ADAMTS15: variants seen among roughly 807,000 people sequenced by gnomAD.
ADAMTS15 encodes A disintegrin and metalloproteinase with thrombospondin motifs 15.
ADAMTS15 carries 35 observed loss-of-function variants against 79.1 expected under a neutral mutation model. That is an observed-to-expected ratio of 0.44 (90% CI 0.34 to 0.59). The LOEUF is 0.59. Ranked by LOEUF, ADAMTS15 falls within the 20% of genes least tolerant of loss-of-function variation. The probability of loss-of-function intolerance (pLI) is 0.02; values close to 1 mark genes in which losing one functional copy is unlikely to be tolerated. For missense variants in ADAMTS15, 1,324 were observed against 1,318.7 expected, an observed-to-expected ratio of 1.00 and a Z score of -0.06; for synonymous variants, 616 against 567.3, an observed-to-expected ratio of 1.09 and a Z score of -1.22.
intron 5 of ADAMTS15, among the ~76,000 whole-genome samples, chr11:130,470,180 ATGTGTG>A (rs373539649): frequency 0.011 from 498 of 44,476 alleles, 23 homozygotes; most frequent in African/African-American, 0.037. Flanking sequence ...ATATATATAT[ATGTGTG>A]TATATATATA....
chr11:130,466,268 A>G (rs1478001966), intron 4 of ADAMTS15, among the ~76,000 whole-genome samples: 2 of 152,096 alleles, frequency 1.3e-5, no homozygotes, highest in Non-Finnish European at 2.9e-5. Context: ...CATCTAGACC[A>G]TGGCTTTAAA....
chr11:130,460,578 A>G (rs1271827499), intron 1 of ADAMTS15, among the ~76,000 whole-genome samples: 1 of 152,160 alleles, frequency 6.6e-6, no homozygotes, highest in Non-Finnish European at 1.5e-5. Flanking sequence ...TGCCTGGCCC[A>G]ACACACGTCT....
intron 2 of ADAMTS15, 60 bp downstream of exon 2, chr11:130,461,681 G>T (rs1475307558): frequency 8.7e-6 from 14 of 1,603,076 alleles, no homozygotes; most frequent in African/African-American, 1.3e-5. Context: ...CCTGGAGGGT[G>T]GGAGACGTGT....
Position 130,462,723 on chromosome 11 carries a change from G to T in ADAMTS15, c.1485G>T (p.Glu495Asp). ...GGGCCGATGGCACCAGCTGTGGCGAGGGCAAGCTCTGCCTCAAAGGGGCCT... is the reference window on the plus strand; with the variant it reads ...GGGCCGATGGCACCAGCTGTGGCGATGGCAAGCTCTGCCTCAAAGGGGCCT... ...FPWADGTSCGEGKLCLKGACV... is the reference protein window; with the variant it reads ...FPWADGTSCGDGKLCLKGACV... The change falls in exon 4 of 8, where the codon GAG becomes GAT. Residue 495 changes from glutamate to aspartate, a missense_variant. Coordinates refer to ENST00000299164, the MANE Select transcript of ADAMTS15 (RefSeq NM_139055.4). The surrounding 1 kb of genome is among the most constrained non-coding windows in gnomAD (Gnocchi z 4.3). 3.1e-6 allele frequency: 5 copies of T among 1,608,452 alleles called. No homozygotes were observed. Among genetic ancestry groups the T allele is most frequent in the Non-Finnish European group, 4.3e-6 (5 of 1,175,374 alleles).
At chr11:130,468,353 A>G (rs1938345741) in intron 4 of ADAMTS15, among the ~76,000 whole-genome samples, 1 of 152,182 alleles carries the variant, frequency 6.6e-6, no homozygotes. Flanking sequence ...ATGTCTGGCC[A>G]GGCGCGGTAG....
At chr11:130,457,870 T>C (rs1289402620) in intron 1 of ADAMTS15, among the ~76,000 whole-genome samples, 3 of 152,170 alleles carry the variant, frequency 2.0e-5, no homozygotes, top group Non-Finnish European at 2.9e-5. Context: ...CAGGCAGAGC[T>C]TCTGACCCCA....
intron 1 of ADAMTS15, among the ~76,000 whole-genome samples, chr11:130,456,955 A>G (rs1938093889): frequency 6.6e-6 from 1 of 152,188 alleles, no homozygotes. Context: ...AAGTGCGGCC[A>G]GGTGCGGTGG....
In ADAMTS15 at chr11:130,470,208, A is replaced by ATATG. The variant is rs1306026811; in HGVS notation, c.1721-711_1721-710insATGT. 6.2e-4 allele frequency among the ~76,000 whole-genome samples: 39 copies of ATATG among 63,230 alleles called. 1 individual carries two copies. The highest frequency in any genetic ancestry group is 9.2e-4 in the Non-Finnish European group (29 of 31,386). The allele number at this position is 63,230 out of a possible 152,430, so 41.5% of individuals were successfully genotyped here. Reference sequence around the variant, plus strand: ...TGTGTATATATATATATATATATATATGTATATATATATATATTTTCTGAG... The same window carrying ATATG: ...TGTGTATATATATATATATATATATATATGTGTATATATATATATATTTTCTGAG... On this transcript the variant is annotated intron_variant, in intron 5 of 7. Transcript: ENST00000299164.
In ADAMTS15 at chr11:130,459,874, G is replaced by A. The variant is rs186504269; in HGVS notation, c.958-1615G>A. Among the ~76,000 whole-genome samples, 19 of 152,350 alleles carry A rather than the reference G, an allele frequency of 1.2e-4. No homozygotes were observed. In the East Asian group the frequency reaches 2.9e-3, roughly 23 times the overall value. ...CCCCTGGCTCCTGGCTCCCTGCGCT[G>A]TGCTGCTGCCCACCTTCGCCCCTTG... On this transcript the variant is annotated intron_variant, in intron 1 of 7. Coordinates refer to ENST00000299164, the MANE Select transcript of ADAMTS15 (RefSeq NM_139055.4).
At chr11:130,466,046 T>C (rs959943338) in intron 4 of ADAMTS15, among the ~76,000 whole-genome samples, 2 of 152,078 alleles carry the variant, frequency 1.3e-5, no homozygotes, top group Non-Finnish European at 2.9e-5. Context: ...CTAATTTTTG[T>C]ATTTTTAGTG....
At position 130,462,919 on chromosome 11, in the gene ADAMTS15, C is replaced by T. The variant is rs1389479527; in HGVS notation, c.1542+139C>T. On this transcript the variant is annotated intron_variant, in intron 4 of 7. Coordinates refer to ENST00000299164, the MANE Select transcript of ADAMTS15 (RefSeq NM_139055.4). The surrounding 1 kb of genome is among the most constrained non-coding windows in gnomAD (Gnocchi z 4.3). ...GGACCAGCACTGTTGCATGGCTGAG[C>T]TGTGCCTTCACTGCCCTGTATATAG... 8 of 1,198,880 alleles carry T rather than the reference C, an allele frequency of 6.7e-6. No individual in the cohort carries two copies. The highest frequency in any genetic ancestry group is 8.1e-6 in the Non-Finnish European group (7 of 862,688). 74.3% of individuals were successfully genotyped at this position (1,198,880 alleles called of 1,614,324 possible). A position where few individuals can be genotyped will look rare whatever the true frequency, so the allele number is the denominator to read the frequency against.
chr11:130,451,135 C>T (rs758704188), intron 1 of ADAMTS15, among the ~76,000 whole-genome samples: 8 of 151,992 alleles, frequency 5.3e-5, no homozygotes, highest in South Asian at 2.1e-4. Flanking sequence ...GCCTCTTCTT[C>T]TGATTTGGGG....
At position 130,449,632 on chromosome 11, in the gene ADAMTS15, T is replaced by C; in HGVS notation, c.659T>C (p.Val220Ala). Residue 220 changes from valine to alanine, a missense_variant, in exon 1 of 8, where the codon GTG (valine) becomes GCG (alanine). Coordinates refer to ENST00000299164, the MANE Select transcript of ADAMTS15 (RefSeq NM_139055.4). This position sits in a 1 kb window ranked among gnomAD's most constrained non-coding sequence, Gnocchi z 7.8. ...CGTTTCGTGTCTATCCCGCGGTACG[T>C]GGAGACGCTGGTGGTCGCGGACGAG... ...AKRFVSIPRY[V>A]ETLVVADESM... The C allele has an allele frequency of 6.2e-7, 1 of 1,602,522 alleles. No individual in the cohort carries two copies. Among genetic ancestry groups the C allele is most frequent in the Admixed American group, 1.7e-5 (1 of 58,038 alleles).
At chr11:130,463,360 T>C (rs1052392883) in intron 4 of ADAMTS15, among the ~76,000 whole-genome samples, 2 of 152,246 alleles carry the variant, frequency 1.3e-5, no homozygotes, top group African/African-American at 4.8e-5. Flanking sequence ...TCCCTCCTGA[T>C]AAATACGAAT....
rs1038694432 is a variant in ADAMTS15 at position 130,473,883 on chromosome 11, C to T, written c.*62C>T. The T allele has an allele frequency of 7.2e-5, 109 of 1,503,602 alleles. No individual in the cohort carries two copies. The highest frequency in any genetic ancestry group is 8.6e-5 in the Non-Finnish European group (97 of 1,129,228). The allele number at this position is 1,503,602 out of a possible 1,614,324, so 93.1% of individuals were successfully genotyped here. A position where few individuals can be genotyped will look rare whatever the true frequency, so the allele number is the denominator to read the frequency against. ...CACTGATATGCCAGCGTTCTGCCAG[C>T]TGGAGTAGCGGGCAGAGGACGGTGG... On this transcript the variant is annotated 3_prime_UTR_variant, in exon 8 of 8. Transcript: ENST00000299164.
chr11:130,461,405 A>G (rs2134726284), intron 1 of ADAMTS15, 84 bp from the exon 2 acceptor site: 3 of 1,590,662 alleles, frequency 1.9e-6, no homozygotes, highest in Non-Finnish European at 1.7e-6. Flanking sequence ...GGAATGTCCT[A>G]TAGGATGTCC....
In ADAMTS15 at chr11:130,475,507, C is replaced by T. The variant is rs1278561810; in HGVS notation, c.*1686C>T. 6.6e-6 allele frequency: 1 copy of T among 152,272 alleles called. No homozygotes were observed. The highest frequency in any genetic ancestry group is 6.5e-5 in the Admixed American group (1 of 15,282). 9.4% of individuals were successfully genotyped at this position (152,272 alleles called of 1,614,324 possible). On this transcript the variant is annotated 3_prime_UTR_variant, in exon 8 of 8. Coordinates refer to ENST00000299164, the MANE Select transcript of ADAMTS15 (RefSeq NM_139055.4). Reference sequence around the variant, plus strand: ...CTGGAGCTAAGATCAAAGCATGTGTCTTCCTGGGAGAGAAGAGTTCCGTTC... The same window carrying T: ...CTGGAGCTAAGATCAAAGCATGTGTTTTCCTGGGAGAGAAGAGTTCCGTTC...
chr11:130,465,815 C>T (rs1592148306), intron 4 of ADAMTS15, among the ~76,000 whole-genome samples: 1 of 152,120 alleles, frequency 6.6e-6, no homozygotes, highest in East Asian at 1.9e-4. Context: ...CTCCCCTTCT[C>T]ATTACCTTTA....
chr11:130,471,299 C>T lies in ADAMTS15; in HGVS notation c.1994C>T (p.Ser665Phe). Residue 665 changes from serine (S) to phenylalanine (F), a missense_variant, in exon 7 of 8, where the codon TCC (serine) becomes TTC (phenylalanine). Ser to Phe is a radical substitution (Grantham distance 155). Coordinates refer to ENST00000299164, the MANE Select transcript of ADAMTS15 (RefSeq NM_139055.4). ...IKAGCDGNLG[S>F]KKRFDKCGVC... ...GCTGGCTGTGATGGGAACCTGGGCTCCAAGAAGAGATTCGACAAGTGTGGG... is the reference window on the plus strand; with the variant it reads ...GCTGGCTGTGATGGGAACCTGGGCTTCAAGAAGAGATTCGACAAGTGTGGG... 6.2e-7 allele frequency: 1 copy of T among 1,613,122 alleles called. No homozygotes were observed. The highest frequency in any genetic ancestry group is 8.5e-7 in the Non-Finnish European group (1 of 1,179,822).
Sources: gnomAD v4.1 joint callset for allele counts (sites outside exome capture counted in the v4.1 genomes callset) on GRCh38, gnomAD v4.1.1 for gene constraint, Gnocchi (gnomAD v3.1) non-coding constraint, MANE v1.5 for transcripts, NCBI Gene and HGNC (gene_info 2026-07-23, HGNC 2026-07-21) for gene names.